The following DSC1 variants were observed in gnomAD, a reference collection of about 807,000 sequenced individuals.
DSC1 encodes desmocollin 1, also known as desmocollin-1.
A neutral mutation model predicts 98.8 loss-of-function variants in DSC1; 79 were observed. The ratio of observed to expected loss-of-function variants is 0.80; its 90% CI spans 0.67 to 0.96. The LOEUF is 0.96. DSC1 is among the 50% of genes least tolerant of loss of function. DSC1 has a pLI of 0.00. For missense variants in DSC1, 1,115 were observed against 1,075.9 expected (o/e 1.04, Z -0.51); for synonymous variants, 405 against 372.1 (o/e 1.09, Z -1.02).
At chr18:31,135,222 C>A (rs1364530833) in intron 11 of DSC1, among the ~76,000 whole-genome samples, 2 of 152,134 alleles carry the variant, frequency 1.3e-5, no homozygotes, top group Admixed American at 6.6e-5. Flanking sequence ...AAGTGTTCCC[C>A]TTCCTGTCTG....
At chr18:31,143,164 C>G (rs9947404) in intron 8 of DSC1, among the ~76,000 whole-genome samples, 14 of 151,558 alleles carry the variant, frequency 9.2e-5, no homozygotes, top group African/African-American at 3.2e-4. Flanking sequence ...ATATATATCT[C>G]TTATTGTTTA....
rs1988457201 is a variant in DSC1 at position 31,130,377 on chromosome 18, C to T, written c.*137G>A. The T allele has an allele frequency of 3.5e-6, 3 of 849,360 alleles. No individual in the cohort carries two copies. Among genetic ancestry groups the T allele is most frequent in the Admixed American group, 5.3e-5 (2 of 37,764 alleles). The allele number at this position is 849,360 out of a possible 1,614,324, so 52.6% of individuals were successfully genotyped here. A position where few individuals can be genotyped will look rare whatever the true frequency, so the allele number is the denominator to read the frequency against. ...AGACAAGGAGAATGTAGGGGAATCT[C>T]ATATTTATAGTACCCTTACCTATAC... On this transcript the variant is annotated 3_prime_UTR_variant, in exon 16 of 16. Transcript: ENST00000257198.
At chr18:31,130,849 A>G in intron 15 of DSC1, 138 bp from the exon 16 acceptor site, 2 of 1,607,916 alleles carry the variant, frequency 1.2e-6, no homozygotes, top group Non-Finnish European at 1.7e-6. Context: ...CTATATATAA[A>G]AAATGCACAG....
At position 31,134,652 on chromosome 18, in the gene DSC1, T is replaced by C. The variant is rs759448966; in HGVS notation, c.1796A>G (p.Asp599Gly). ...AAAAGGTGGTCCATTTTCAGGTCCATCTGGATCTACAGGTTTCAGAACAGC... is the reference window on the plus strand; with the variant it reads ...AAAAGGTGGTCCATTTTCAGGTCCACCTGGATCTACAGGTTTCAGAACAGC... ...DFAVLKPVDP[D>G]GPENGPPFQF... Residue 599 changes from aspartate to glycine, a missense_variant, in exon 12 of 16, where the codon GAT (aspartate) becomes GGT (glycine). Physicochemically the swap from Asp to Gly is moderately conservative, Grantham distance 94. Transcript: ENST00000257198. The C allele has an allele frequency of 1.9e-6, 3 of 1,613,056 alleles. No homozygotes were observed. In the South Asian group the frequency reaches 3.3e-5, roughly 18 times the overall value.
chr18:31,130,259 A>T lies in DSC1; in HGVS notation c.*255T>A. 1 of 454,606 alleles carries T rather than the reference A, an allele frequency of 2.2e-6. No individual in the cohort carries two copies. The highest frequency in any genetic ancestry group is 3.9e-6 in the Non-Finnish European group (1 of 257,184). 28.2% of individuals were successfully genotyped at this position (454,606 alleles called of 1,614,324 possible). ...GCAAATAAAAGGTGCAAGAAGGTGT[A>T]CAGTACAGTCGTGAAAAGGGCAATA... is the stretch of plus-strand genomic sequence containing the variant. On this transcript the variant is annotated 3_prime_UTR_variant, in exon 16 of 16. Transcript: ENST00000257198.
intron 5 of DSC1, among the ~76,000 whole-genome samples, chr18:31,152,058 A>G (rs1259535776): frequency 1.3e-5 from 2 of 151,958 alleles, no homozygotes; most frequent in Non-Finnish European, 2.9e-5. Context: ...GCTACTCGGG[A>G]GGTTGAGGCA....
chr18:31,147,685 C>T (rs1002020004), intron 6 of DSC1, among the ~76,000 whole-genome samples: 1 of 151,916 alleles, frequency 6.6e-6, no homozygotes, highest in Non-Finnish European at 1.5e-5. Context: ...AAAGCTAATA[C>T]CCAACAGTCA....
chr18:31,131,331 A>G, intron 15 of DSC1: 1 of 434,374 alleles, frequency 2.3e-6, no homozygotes, highest in South Asian at 3.3e-5. Flanking sequence ...TTTCTAGGGA[A>G]GAGGCTATGA....
intron 1 of DSC1, among the ~76,000 whole-genome samples, chr18:31,160,804 A>G (rs1470628800): frequency 6.6e-6 from 1 of 152,218 alleles, no homozygotes; most frequent in Admixed American, 6.5e-5. Context: ...TAGGCTATGC[A>G]TAAACACATA....
Position 31,150,267 on chromosome 18 carries a change from T to TCACCACTACCATCACCACCAC in DSC1, c.628-1646_628-1626dup, listed in dbSNP as rs1568002598. ...ACCACTACCACCACCACCATCATCA[T>TCACCACTACCATCACCACCAC]CACCACTACCATCACCACCACCACC... On this transcript the variant is annotated intron_variant, in intron 5 of 15. Transcript: ENST00000257198. 4.9e-3 allele frequency among the ~76,000 whole-genome samples: 419 copies of TCACCACTACCATCACCACCAC among 84,686 alleles called. 10 individuals carry two copies. Among genetic ancestry groups the TCACCACTACCATCACCACCAC allele is most frequent in the African/African-American group, 0.019 (389 of 21,008 alleles). The allele number at this position is 84,686 out of a possible 152,430, so 55.6% of individuals were successfully genotyped here.
At chr18:31,150,330 C>CTACCACTATTACCAT (rs1988957865) in intron 5 of DSC1, among the ~76,000 whole-genome samples, 2 of 28,422 alleles carry the variant, frequency 7.0e-5, no homozygotes, top group Admixed American at 4.1e-4. Flanking sequence ...ATCATCACCA[C>CTACCACTATTACCAT]CACCACTACC....
intron 1 of DSC1, among the ~76,000 whole-genome samples, chr18:31,161,106 T>G (rs1198858719): frequency 6.6e-6 from 1 of 152,146 alleles, no homozygotes; most frequent in East Asian, 1.9e-4. Flanking sequence ...GTATATAGTA[T>G]AGCTTATTGT....
rs766039921 is a variant in DSC1, at chr18:31,140,289, C to T, written c.1273G>A (p.Glu425Lys). The T allele has an allele frequency of 1.2e-6, 2 of 1,613,776 alleles. No homozygotes were observed. Among genetic ancestry groups the T allele is most frequent in the African/African-American group, 2.7e-5 (2 of 74,912 alleles). ...VLCVVKPLNY[E>K]VNRQVILQVG... Reference sequence around the variant, plus strand: ...TGCAAAATAACTTGGCGATTGACTTCATAGTTCAATGGCTGTTAAATAAGC... The same window carrying T: ...TGCAAAATAACTTGGCGATTGACTTTATAGTTCAATGGCTGTTAAATAAGC... The change falls in exon 10 of 16, where the codon GAA (glutamate) becomes AAA (lysine). Residue 425 changes from glutamate to lysine, a missense_variant. By Grantham distance (56) the Glu-to-Lys change is moderately conservative. Coordinates refer to ENST00000257198, the MANE Select transcript of DSC1 (RefSeq NM_024421.2).
intron 9 of DSC1, among the ~76,000 whole-genome samples, chr18:31,141,077 C>T (rs1238799428): frequency 6.6e-6 from 1 of 152,118 alleles, no homozygotes; most frequent in Non-Finnish European, 1.5e-5. Flanking sequence ...GCCTCCCTAG[C>T]CATGTGAAAC....
At chr18:31,151,590 G>T (rs902993180) in intron 5 of DSC1, among the ~76,000 whole-genome samples, 4 of 152,156 alleles carry the variant, frequency 2.6e-5, no homozygotes, top group Admixed American at 1.3e-4. Context: ...GTGTTATTGT[G>T]ATATAGTTTC....
In DSC1 at chr18:31,137,356, G is replaced by A. The variant is rs181671850; in HGVS notation, c.1663+2392C>T. Among the ~76,000 whole-genome samples the A allele has an allele frequency of 3.3e-5, 5 of 152,208 alleles. No individual in the cohort carries two copies. In the East Asian group the frequency reaches 5.8e-4, roughly 18 times the overall value. On this transcript the variant is annotated intron_variant, in intron 11 of 15. Coordinates refer to ENST00000257198, the MANE Select transcript of DSC1 (RefSeq NM_024421.2). ...AAAAATAAAGAAGCACTTAATAAAT[G>A]TTTAATCTCAATTTTCTACATTAAA...
Position 31,134,690 on chromosome 18 carries a change from A to T in DSC1, c.1758T>A (p.Asn586Lys). The change falls in exon 12 of 16, where the codon AAT (asparagine) becomes AAA (lysine). Residue 586 changes from asparagine to lysine, a missense_variant. Transcript: ENST00000257198. ...QIDKEVTICQ[N>K]NEDFAVLKPV... ...GTTTCAGAACAGCAAAATCCTCATT[A>T]TTCTGACAAATGGTCACTTCTTTGT... is the stretch of plus-strand genomic sequence containing the variant. 3.7e-6 allele frequency: 6 copies of T among 1,613,256 alleles called. No homozygotes were observed. The highest frequency in any genetic ancestry group is 4.2e-6 in the Non-Finnish European group (5 of 1,179,552).
chr18:31,133,908 C>G lies in DSC1; in HGVS notation c.2099G>C (p.Gly700Ala). The change falls in exon 13 of 16, where the codon GGT becomes GCT. Residue 700 changes from glycine to alanine, a missense_variant. Gly to Ala is a moderately conservative substitution (Grantham distance 60). Coordinates refer to ENST00000257198, the MANE Select transcript of DSC1 (RefSeq NM_024421.2). ...ATACTTACATAATAACAATACAGAA[C>G]CCAACACCATAGCAAGAATAGCCCA... ...GRWAILAMVL[G>A]SVLLLCILFT... 6.2e-7 allele frequency: 1 copy of G among 1,612,692 alleles called. No individual in the cohort carries two copies. The highest frequency in any genetic ancestry group is 8.5e-7 in the Non-Finnish European group (1 of 1,179,322).
At chr18:31,146,680 C>A (rs541889923) in intron 6 of DSC1, among the ~76,000 whole-genome samples, 1 of 152,154 alleles carries the variant, frequency 6.6e-6, no homozygotes, top group African/African-American at 2.4e-5. Flanking sequence ...TCCACAGGGG[C>A]TGAACTAATT....
Sources: allele counts gnomAD v4.1 joint callset (sites outside exome capture counted in the v4.1 genomes callset), GRCh38; gene constraint gnomAD v4.1.1; transcripts MANE v1.5; gene names NCBI Gene and HGNC (gene_info 2026-07-23, HGNC 2026-07-21).